NSMCE2: variants seen among roughly 807,000 people sequenced by gnomAD.
The protein encoded by NSMCE2 is E3 SUMO-protein ligase NSE2.
NSMCE2 carries 24 observed loss-of-function variants against 23.8 expected under a neutral mutation model. That is an observed-to-expected ratio of 1.01 (90% CI 0.73 to 1.42). The LOEUF (loss-of-function observed/expected upper bound fraction) is 1.42, where lower values mean the gene tolerates loss of function less well. NSMCE2 is among the 40% of genes most tolerant of loss of function. The probability of loss-of-function intolerance (pLI) is 0.00; values close to 1 mark genes in which losing one functional copy is unlikely to be tolerated. For missense variants in NSMCE2, 284 were observed against 296.5 expected (o/e 0.96, Z 0.31); for synonymous variants, 92 against 94.1 (o/e 0.98, Z 0.13).
At chr8:125,360,531 G>A (rs1813491541) in intron 7 of NSMCE2, among the ~76,000 whole-genome samples, 1 of 152,256 alleles carries the variant, frequency 6.6e-6, no homozygotes, top group Admixed American at 6.5e-5. Flanking sequence ...GGATCAATCA[G>A]CGGAAGAAGA....
At chr8:125,214,195 A>G (rs550072647) in intron 5 of NSMCE2, among the ~76,000 whole-genome samples, 6 of 152,180 alleles carry the variant, frequency 3.9e-5, no homozygotes, top group Non-Finnish European at 8.8e-5. Flanking sequence ...TTGGTAGGCA[A>G]AATTAGGGAA....
intron 5 of NSMCE2, among the ~76,000 whole-genome samples, chr8:125,303,227 C>T (rs919667373): frequency 2.0e-5 from 3 of 152,168 alleles, no homozygotes; most frequent in African/African-American, 7.2e-5. Context: ...TCAGGAGAGC[C>T]TGTGGGAACT....
At chr8:125,111,495 C>T (rs1486151822) in intron 3 of NSMCE2, among the ~76,000 whole-genome samples, 1 of 152,128 alleles carries the variant, frequency 6.6e-6, no homozygotes, top group Non-Finnish European at 1.5e-5. Context: ...TTGCTTAAAC[C>T]TTTCATGTTC....
chr8:125,297,521 G>A (rs769100010), intron 5 of NSMCE2, among the ~76,000 whole-genome samples: 1 of 152,122 alleles, frequency 6.6e-6, no homozygotes, highest in Non-Finnish European at 1.5e-5. Flanking sequence ...CTTCTGGAAT[G>A]AGACACAGTA....
At chr8:125,276,297 A>C (rs1328594124) in intron 5 of NSMCE2, among the ~76,000 whole-genome samples, 1 of 151,998 alleles carries the variant, frequency 6.6e-6, no homozygotes, top group Admixed American at 6.6e-5. Context: ...TCTGTTTCCC[A>C]CTCTGATTTG....
At chr8:125,164,531 G>A (rs1392974528) in intron 4 of NSMCE2, among the ~76,000 whole-genome samples, 1 of 152,144 alleles carries the variant, frequency 6.6e-6, no homozygotes, top group East Asian at 1.9e-4. Flanking sequence ...AAAACAAAAA[G>A]TGACTCCCCA....
intron 5 of NSMCE2, among the ~76,000 whole-genome samples, chr8:125,298,016 A>G (rs1015502992): frequency 6.6e-6 from 1 of 152,148 alleles, no homozygotes; most frequent in Admixed American, 6.5e-5. Context: ...ATCCCAGCAC[A>G]TTGGGAGGCT....
chr8:125,178,666 C>T (rs1180214189), intron 4 of NSMCE2, among the ~76,000 whole-genome samples: 1 of 152,084 alleles, frequency 6.6e-6, no homozygotes, highest in Non-Finnish European at 1.5e-5. Flanking sequence ...GTCAGGAGAT[C>T]GAGACCATCC....
chr8:125,147,784 C>A (rs1820774530), intron 3 of NSMCE2, among the ~76,000 whole-genome samples: 1 of 152,098 alleles, frequency 6.6e-6, no homozygotes, highest in South Asian at 2.1e-4. Flanking sequence ...TGTGTTTATC[C>A]CTTTTTCCCC....
rs544867708 is a variant in NSMCE2, at chr8:125,153,051, C to T, written c.264+1774C>T. The stretch of plus-strand genomic sequence containing the variant: ...CAGCCTGGGCGACAGAGCGAGACTC[C>T]GTCTCAAAAAAAAAAAAAAAAAAAA... On this transcript the variant is annotated intron_variant, in intron 4 of 7. Coordinates refer to ENST00000287437, the MANE Select transcript of NSMCE2 (RefSeq NM_173685.4). Among the ~76,000 whole-genome samples the T allele has an allele frequency of 1.5e-3, 159 of 106,594 alleles. 3 individuals carry two copies. Among genetic ancestry groups the T allele is most frequent in the Admixed American group, 8.7e-3 (84 of 9,706 alleles). 69.9% of individuals were successfully genotyped at this position (106,594 alleles called of 152,430 possible). A position where few individuals can be genotyped will look rare whatever the true frequency, so the allele number is the denominator to read the frequency against.
At chr8:125,120,661 G>A (rs1367386947) in intron 3 of NSMCE2, among the ~76,000 whole-genome samples, 2 of 152,138 alleles carry the variant, frequency 1.3e-5, no homozygotes, top group Non-Finnish European at 2.9e-5. Flanking sequence ...AGGCCTGTCA[G>A]CAATTGACCT....
At chr8:125,127,581 T>G (rs1215139039) in intron 3 of NSMCE2, among the ~76,000 whole-genome samples, 1 of 152,204 alleles carries the variant, frequency 6.6e-6, no homozygotes, top group African/African-American at 2.4e-5. Flanking sequence ...GTTAGTTGTC[T>G]CCCTCTCTTC....
At chr8:125,339,702 CCTT>C (rs2131320877) in intron 5 of NSMCE2, among the ~76,000 whole-genome samples, 1 of 152,242 alleles carries the variant, frequency 6.6e-6, no homozygotes, top group South Asian at 2.1e-4. Flanking sequence ...TACTCCTTCT[CCTT>C]CAGGATTCCT....
chr8:125,330,338 G>T (rs1829829888), intron 5 of NSMCE2, among the ~76,000 whole-genome samples: 1 of 151,924 alleles, frequency 6.6e-6, no homozygotes. Context: ...ACCACACCCG[G>T]CTAATTTTTG....
intron 5 of NSMCE2, among the ~76,000 whole-genome samples, chr8:125,210,881 A>G (rs1824307259): frequency 6.6e-6 from 1 of 151,960 alleles, no homozygotes; most frequent in Non-Finnish European, 1.5e-5. Flanking sequence ...CCAATATGCC[A>G]CTATGCCCGG....
At chr8:125,200,003 T>C (rs904788258) in intron 5 of NSMCE2, among the ~76,000 whole-genome samples, 1 of 152,196 alleles carries the variant, frequency 6.6e-6, no homozygotes, top group Admixed American at 6.5e-5. Context: ...CAACCCCTGC[T>C]TTTCTTGCTT....
chr8:125,286,807 A>G (rs1429865799), intron 5 of NSMCE2, among the ~76,000 whole-genome samples: 3 of 151,464 alleles, frequency 2.0e-5, no homozygotes, highest in East Asian at 1.9e-4. Context: ...CCCAAAGCCA[A>G]TAGTTAATTT....
At chr8:125,167,939 C>G (rs1821980267) in intron 4 of NSMCE2, among the ~76,000 whole-genome samples, 1 of 152,074 alleles carries the variant, frequency 6.6e-6, no homozygotes. Flanking sequence ...GGAAACTTCT[C>G]TCTGACTCAT....
intron 5 of NSMCE2, among the ~76,000 whole-genome samples, chr8:125,327,449 G>A: frequency 6.6e-6 from 1 of 152,086 alleles, no homozygotes. Flanking sequence ...TTCTGGGTTA[G>A]AAAATTGATG....
Sources: allele counts gnomAD v4.1 joint callset (sites outside exome capture counted in the v4.1 genomes callset), GRCh38; gene constraint gnomAD v4.1.1; transcripts MANE v1.5; gene names NCBI Gene and HGNC (gene_info 2026-07-23, HGNC 2026-07-21).